LMOD1: variants seen among roughly 807,000 people sequenced by gnomAD.
LMOD1 encodes the protein leiomodin-1.
A neutral mutation model predicts 36.5 loss-of-function variants in LMOD1; 8 were observed. The observed-to-expected ratio is 0.22, with a 90% CI of 0.13 to 0.40. The LOEUF is 0.40. Ranked by LOEUF, LMOD1 falls within the 10% of genes least tolerant of loss-of-function variation. The pLI, the probability that LMOD1 is intolerant of heterozygous loss-of-function variation, is 1.00. For missense variants in LMOD1, 630 were observed against 751.1 expected (o/e 0.84, Z 1.88); for synonymous variants, 284 against 288.7 (o/e 0.98, Z 0.17).
chr1:201,906,351 C>G (rs546277636), intron 1 of LMOD1, among the ~76,000 whole-genome samples: 1 of 152,212 alleles, frequency 6.6e-6, no homozygotes, highest in Non-Finnish European at 1.5e-5. Context: ...TCAGTCCCCC[C>G]ACCCGCCTCC....
rs1427802162 is a variant in LMOD1, at chr1:201,899,328, A to G, written c.1685T>C (p.Met562Thr). 8.1e-6 allele frequency: 13 copies of G among 1,610,434 alleles called. No individual in the cohort carries two copies. The highest frequency in any genetic ancestry group is 1.1e-5 in the Non-Finnish European group (13 of 1,178,712). ...CTGGGCAGGGAGGACTTTGTCTCCC[A>G]TCTTCCTCTGGGTAGCTGGTGAGAG... ...NSLSPATQRK[M>T]GDKVLPAQEK... is the part of the protein sequence containing the mutation. The change falls in exon 2 of 3, where the codon ATG (methionine) becomes ACG (threonine). Residue 562 changes from methionine (M) to threonine (T), a missense_variant. Physicochemically the swap from Met to Thr is moderately conservative, Grantham distance 81. Coordinates refer to ENST00000367288, the MANE Select transcript of LMOD1 (RefSeq NM_012134.3). This position sits in a 1 kb window ranked among gnomAD's most constrained non-coding sequence, Gnocchi z 6.3.
chr1:201,928,889 T>C (rs1282619367), intron 1 of LMOD1, among the ~76,000 whole-genome samples: 1 of 151,870 alleles, frequency 6.6e-6, no homozygotes, highest in Non-Finnish European at 1.5e-5. Flanking sequence ...CTAACTTTTT[T>C]GTGTTTTTAG....
At position 201,946,386 on chromosome 1, in the gene LMOD1, T is replaced by G; in HGVS notation, c.-46A>C. 6.3e-7 allele frequency: 1 copy of G among 1,596,156 alleles called. No homozygotes were observed. The highest frequency in any genetic ancestry group is 8.6e-7 in the Non-Finnish European group (1 of 1,169,402). ...CTGCCAGGGGCTATCAGAGTCCTGGTGGGCAGGGAAGGGAGAGGGGTGAGC... is the reference window on the plus strand; with the variant it reads ...CTGCCAGGGGCTATCAGAGTCCTGGGGGGCAGGGAAGGGAGAGGGGTGAGC... On this transcript the variant is annotated 5_prime_UTR_variant, in exon 1 of 3. Transcript: ENST00000367288.
rs190855719 is a variant in LMOD1, at chr1:201,922,992, C to T, written c.262-22241G>A. 6.6e-3 allele frequency among the ~76,000 whole-genome samples: 1,010 copies of T among 151,914 alleles called. 9 individuals carry two copies. The highest frequency in any genetic ancestry group is 0.011 in the Non-Finnish European group (741 of 67,930). On this transcript the variant is annotated intron_variant, in intron 1 of 2. Transcript: ENST00000367288. Reference sequence around the variant, plus strand: ...GGTGCGCACCACCATGCCCGGCTAACGTTTGTATTTTTAGTAGAGATAGGG... The same window carrying T: ...GGTGCGCACCACCATGCCCGGCTAATGTTTGTATTTTTAGTAGAGATAGGG...
chr1:201,930,397 T>C (rs1037795344), intron 1 of LMOD1, among the ~76,000 whole-genome samples: 1 of 152,046 alleles, frequency 6.6e-6, no homozygotes. Flanking sequence ...AGAGAGATCA[T>C]AGAGGCAGAA....
In LMOD1 at chr1:201,900,211, C is replaced by T. The variant is rs1681273368; in HGVS notation, c.802G>A (p.Asp268Asn). 9.9e-6 allele frequency: 16 copies of T among 1,613,900 alleles called. No homozygotes were observed. The highest frequency in any genetic ancestry group is 1.2e-5 in the Non-Finnish European group (14 of 1,179,860). The part of the protein sequence containing the change: ...GTGNTDTKKD[D>N]EKVKKNEPLH... ...GGTTCATTCTTCTTGACTTTTTCAT[C>T]GTCCTTTTTGGTGTCTGTGTTCCCA... is the stretch of plus-strand genomic sequence containing the variant. The change falls in exon 2 of 3, where the codon GAT becomes AAT. Residue 268 changes from aspartate (D) to asparagine (N), a missense_variant. Coordinates refer to ENST00000367288, the MANE Select transcript of LMOD1 (RefSeq NM_012134.3).
At chr1:201,933,406 C>T (rs1286036619) in intron 1 of LMOD1, among the ~76,000 whole-genome samples, 1 of 148,940 alleles carries the variant, frequency 6.7e-6, no homozygotes, top group Admixed American at 6.7e-5. Context: ...AGGAGCAAAA[C>T]TCTGTCTCAA....
At chr1:201,920,354 C>T (rs1272338830) in intron 1 of LMOD1, among the ~76,000 whole-genome samples, 1 of 152,016 alleles carries the variant, frequency 6.6e-6, no homozygotes, top group Admixed American at 6.6e-5. Context: ...GGATTACTAC[C>T]CCAGTAAAAT....
chr1:201,937,190 G>A (rs1029978560), intron 1 of LMOD1, among the ~76,000 whole-genome samples: 2 of 152,108 alleles, frequency 1.3e-5, no homozygotes, highest in East Asian at 1.9e-4. Flanking sequence ...GCTCATGCCC[G>A]TATCCCAGCA....
intron 1 of LMOD1, among the ~76,000 whole-genome samples, chr1:201,915,762 A>G (rs1399245770): frequency 2.0e-5 from 3 of 151,950 alleles, no homozygotes; most frequent in South Asian, 4.2e-4. Flanking sequence ...CTCCATCCTC[A>G]CAGATGTTCC....
At chr1:201,920,073 T>TTTTTA (rs1681678015) in intron 1 of LMOD1, among the ~76,000 whole-genome samples, 11 of 73,230 alleles carry the variant, frequency 1.5e-4, no homozygotes, top group Non-Finnish European at 2.6e-4. Context: ...TTTTTTTTTT[T>TTTTTA]GAGACCAAGT....
chr1:201,911,831 C>G (rs531432427), intron 1 of LMOD1, among the ~76,000 whole-genome samples: 1 of 152,280 alleles, frequency 6.6e-6, no homozygotes, highest in Non-Finnish European at 1.5e-5. Context: ...CTGTGCTTAA[C>G]TTTGAGGCCA....
intron 1 of LMOD1, among the ~76,000 whole-genome samples, chr1:201,901,523 T>TAA (rs1681303254): frequency 2.5e-5 from 1 of 40,098 alleles, no homozygotes; most frequent in African/African-American, 1.1e-4. Flanking sequence ...TATATATATA[T>TAA]ATATATGTAT....
intron 1 of LMOD1, among the ~76,000 whole-genome samples, chr1:201,920,482 C>T (rs1681686451): frequency 6.6e-6 from 1 of 152,068 alleles, no homozygotes; most frequent in Non-Finnish European, 1.5e-5. Context: ...ACCGGTTTTT[C>T]CTATGCCAAG....
chr1:201,923,669 G>A (rs111778973), intron 1 of LMOD1, among the ~76,000 whole-genome samples: 1,653 of 152,098 alleles, frequency 0.011, 28 homozygotes, highest in African/African-American at 0.038. Flanking sequence ...TTCGAGACTA[G>A]CCTGGGCAAC....
chr1:201,901,295 G>C (rs1018318392), intron 1 of LMOD1, among the ~76,000 whole-genome samples: 1 of 151,278 alleles, frequency 6.6e-6, no homozygotes, highest in East Asian at 1.9e-4. Flanking sequence ...ACCTGAGGTC[G>C]GGAGTTTGAG....
At chr1:201,908,694 A>G (rs1017438954) in intron 1 of LMOD1, among the ~76,000 whole-genome samples, 2 of 152,082 alleles carry the variant, frequency 1.3e-5, no homozygotes, top group African/African-American at 4.8e-5. Context: ...AAGGCAGGAG[A>G]GAGTAAGAAC....
intron 1 of LMOD1, among the ~76,000 whole-genome samples, chr1:201,930,814 G>T (rs561196585): frequency 1.3e-5 from 2 of 152,326 alleles, no homozygotes; most frequent in South Asian, 4.1e-4. Flanking sequence ...AGAAGGAACA[G>T]CTAGAGAGAT....
At chr1:201,936,967 C>G (rs1173347019) in intron 1 of LMOD1, among the ~76,000 whole-genome samples, 3 of 151,980 alleles carry the variant, frequency 2.0e-5, no homozygotes, top group Admixed American at 6.6e-5. Context: ...TCAAATGTCA[C>G]CTCTTTTGGT....
Sources: allele counts gnomAD v4.1 joint callset (sites outside exome capture counted in the v4.1 genomes callset), GRCh38; gene constraint gnomAD v4.1.1; non-coding constraint Gnocchi (gnomAD v3.1); transcripts MANE v1.5; gene names NCBI Gene and HGNC (gene_info 2026-07-23, HGNC 2026-07-21).